C1QTNF6: variants seen among roughly 807,000 people sequenced by gnomAD.
C1QTNF6 encodes the protein C1q and TNF related 6, also known as complement C1q tumor necrosis factor-related protein 6.
Under a neutral mutation model 20.7 loss-of-function variants are expected in C1QTNF6, and 17 were observed. The observed-to-expected ratio is 0.82, with a 90% CI of 0.56 to 1.23. The LOEUF (loss-of-function observed/expected upper bound fraction) is 1.23. Ranked by LOEUF, C1QTNF6 falls within the 50% of genes most tolerant of loss-of-function variation. The pLI, the probability that C1QTNF6 is intolerant of heterozygous loss-of-function variation, is 0.00. For synonymous variants in C1QTNF6, 130 were observed against 156.3 expected, an observed-to-expected ratio of 0.83 and a Z score of 1.25; for missense variants, 329 against 389.7, an observed-to-expected ratio of 0.84 and a Z score of 1.31.
intron 2 of C1QTNF6, among the ~76,000 whole-genome samples, chr22:37,195,056 A>G (rs904529459): frequency 6.6e-6 from 1 of 152,198 alleles, no homozygotes; most frequent in Non-Finnish European, 1.5e-5. Flanking sequence ...CCCTTTGGGG[A>G]GAAGAAAGCT....
At chr22:37,196,464 T>G (rs64547) in intron 1 of C1QTNF6, 98,868 of 152,112 alleles carry the variant, frequency 0.65, 33,660 homozygotes, top group African/African-American at 0.85. Context: ...ATCCTCCTAT[T>G]CTACATTTGT....
chr22:37,188,365 C>A (rs1014761512), upstream of C1QTNF6: 3 of 607,478 alleles, frequency 4.9e-6, no homozygotes, highest in African/African-American at 3.8e-5. Flanking sequence ...CACTTCCCCT[C>A]CTCCCTGCTC....
At chr22:37,188,053 G>A in intron 1 of C1QTNF6, 110 bp downstream of exon 1, 1 of 1,173,778 alleles carries the variant, frequency 8.5e-7, no homozygotes, top group Non-Finnish European at 1.2e-6. Flanking sequence ...GGCTGTCCCA[G>A]TCAGAGGGAG....
chr22:37,181,986 T>G lies in C1QTNF6; in HGVS notation c.*202A>C. The G allele has an allele frequency of 3.3e-6, 2 of 606,848 alleles. No homozygotes were observed. Among genetic ancestry groups the G allele is most frequent in the South Asian group, 2.2e-5 (1 of 44,468 alleles). The allele number at this position is 606,848 out of a possible 1,614,324, so 37.6% of individuals were successfully genotyped here. ...AGAATATTTAGGTTAGCAAGCTTCT[T>G]AAAATAGGTCCAAGAGAGAAGAGAG... On this transcript the variant is annotated 3_prime_UTR_variant, in exon 3 of 3. Transcript: ENST00000337843.
chr22:37,182,955 C>A, intron 2 of C1QTNF6: 1 of 1,414,904 alleles, frequency 7.1e-7, no homozygotes, highest in Admixed American at 3.0e-5. Context: ...TGACTCACCC[C>A]GGGCCACACA....
rs1924040287 is a variant in C1QTNF6, at chr22:37,184,051, G to A, written c.289+1167C>T. Among the ~76,000 whole-genome samples, 1 of 152,090 alleles carries A rather than the reference G, an allele frequency of 6.6e-6. No individual in the cohort carries two copies. Among genetic ancestry groups the A allele is most frequent in the Non-Finnish European group, 1.5e-5 (1 of 68,006 alleles). On this transcript the variant is annotated intron_variant, in intron 2 of 2. Coordinates refer to ENST00000337843, the MANE Select transcript of C1QTNF6 (RefSeq NM_031910.4). The surrounding 1 kb of genome is among the most constrained non-coding windows in gnomAD (Gnocchi z 4.0). ...GGAGCAGTGACCCTGGGTTTGGGGA[G>A]GGCAATGAGGAGGGACCATCAGCAG...
In C1QTNF6 at chr22:37,182,436, C is replaced by T. The variant is rs776967925; in HGVS notation, c.589G>A (p.Val197Met). 16 of 1,614,280 alleles carry T rather than the reference C, an allele frequency of 9.9e-6. No individual in the cohort carries two copies. Among genetic ancestry groups the T allele is most frequent in the Non-Finnish European group, 1.3e-5 (15 of 1,180,054 alleles). Reference sequence around the variant, plus strand: ...GTCTCCTTGTAATTCCAGCTGTGCACATTGAGGCTGAAGAAGTAGATGCCA... The same window carrying T: ...GTCTCCTTGTAATTCCAGCTGTGCATATTGAGGCTGAAGAAGTAGATGCCA... ...LRGIYFFSLN[V>M]HSWNYKETYV... Residue 197 changes from valine to methionine, a missense_variant, in exon 3 of 3, where the codon GTG (valine) becomes ATG (methionine). By Grantham distance (21) the Val-to-Met change is conservative. Transcript: ENST00000337843.
At chr22:37,189,678 T>G (rs1338503032), upstream of C1QTNF6, among the ~76,000 whole-genome samples, 1 of 152,168 alleles carries the variant, frequency 6.6e-6, no homozygotes, top group Non-Finnish European at 1.5e-5. Context: ...TAACTCTGAG[T>G]CCTAACAAAA....
chr22:37,188,708 G>T (rs752822962), upstream of C1QTNF6, among the ~76,000 whole-genome samples: 2 of 152,242 alleles, frequency 1.3e-5, no homozygotes, highest in African/African-American at 2.4e-5. Flanking sequence ...TACCACAGTC[G>T]CGTCGCCTCT....
At chr22:37,199,375 A>C (rs1925353718), upstream of C1QTNF6, 1 of 152,374 alleles carries the variant, frequency 6.6e-6, no homozygotes, top group East Asian at 1.9e-4. Flanking sequence ...TCTCTGGCCC[A>C]CCCGGGCCTC....
upstream of C1QTNF6, chr22:37,188,528 G>A (rs565580634): frequency 3.6e-6 from 1 of 275,266 alleles, no homozygotes; most frequent in South Asian, 9.5e-5. Flanking sequence ...ATTGGGAAAT[G>A]GACACAGGCA....
Position 37,182,062 on chromosome 22 carries a change from C to G in C1QTNF6, c.*126G>C, listed in dbSNP as rs1923811139. 1 of 1,023,654 alleles carries G rather than the reference C, an allele frequency of 9.8e-7. No individual in the cohort carries two copies. 63.4% of individuals were successfully genotyped at this position (1,023,654 alleles called of 1,614,324 possible). A position where few individuals can be genotyped will look rare whatever the true frequency, so the allele number is the denominator to read the frequency against. ...ATGGCAGCCAAGATAGAAGCAGGGTCTCCCCAGAATGCCAGGTCCCCGGGG... is the reference window on the plus strand; with the variant it reads ...ATGGCAGCCAAGATAGAAGCAGGGTGTCCCCAGAATGCCAGGTCCCCGGGG... On this transcript the variant is annotated 3_prime_UTR_variant, in exon 3 of 3. Coordinates refer to ENST00000337843, the MANE Select transcript of C1QTNF6 (RefSeq NM_031910.4).
chr22:37,182,851 T>TAA (rs1372232890), intron 2 of C1QTNF6, 116 bp from the exon 3 acceptor site: 1 of 1,449,894 alleles, frequency 6.9e-7, no homozygotes, highest in Non-Finnish European at 9.1e-7. Context: ...GAAGCCAGCA[T>TAA]TTATTTAGCA....
rs1924247422 is a variant in C1QTNF6 at position 37,185,522 on chromosome 22, G to A, written c.52-67C>T. Reference sequence around the variant, plus strand: ...CATCTACTATGTGCCGATGCCTGGGGTGGGCGGGTGCTGCGTCCTCCAGCC... The same window carrying A: ...CATCTACTATGTGCCGATGCCTGGGATGGGCGGGTGCTGCGTCCTCCAGCC... On this transcript the variant is annotated intron_variant, in intron 1 of 2. Transcript: ENST00000337843. 14 of 1,469,070 alleles carry A rather than the reference G, an allele frequency of 9.5e-6. No homozygotes were observed. In the East Asian group the frequency reaches 3.5e-4, roughly 37 times the overall value. The allele number at this position is 1,469,070 out of a possible 1,614,324, so 91.0% of individuals were successfully genotyped here.
At chr22:37,188,283 A>AGGAGGGAGAGAGGAGGAGAT, upstream of C1QTNF6, 1 of 1,153,062 alleles carries the variant, frequency 8.7e-7, no homozygotes, top group Non-Finnish European at 1.2e-6. Flanking sequence ...GGCCCAGCAG[A>AGGAGGGAGAGAGGAGGAGAT]GGAGGGAGAG....
Position 37,182,305 on chromosome 22 carries a change from GTAGGCCAGGTCCAGCA to G in C1QTNF6, c.704_719del (p.Met235ThrfsTer113), listed in dbSNP as rs1569062365. On this transcript the variant is annotated frameshift_variant, in exon 3 of 3. Coordinates refer to ENST00000337843, the MANE Select transcript of C1QTNF6 (RefSeq NM_031910.4). LOFTEE classifies it high-confidence loss of function. ...AGAGCCGCACCCAGACGCGGTCCCC[GTAGGCCAGGTCCAGCA>G]TCACACTCTGGCTCTGCATGATGCT... 1.2e-6 allele frequency: 2 copies of G among 1,614,138 alleles called. No homozygotes were observed. The highest frequency in any genetic ancestry group is 4.5e-5 in the East Asian group (2 of 44,882).
rs767295807 is a variant in C1QTNF6, at chr22:37,185,347, T to G, written c.160A>C (p.Ser54Arg). Residue 54 changes from serine (S) to arginine (R), a missense_variant, in exon 2 of 3, where the codon AGC (serine) becomes CGC (arginine). Coordinates refer to ENST00000337843, the MANE Select transcript of C1QTNF6 (RefSeq NM_031910.4). Reference protein sequence around the residue: ...VELTFDRAVASGCQRCCDSED... With the variant: ...VELTFDRAVARGCQRCCDSED... The stretch of plus-strand genomic sequence containing the variant: ...GAGTCACAGCACCGTTGGCAGCCGC[T>G]GGCCACAGCTCTGTCAAAGGTGAGC... 9.3e-6 allele frequency: 15 copies of G among 1,613,730 alleles called. No individual in the cohort carries two copies. Among genetic ancestry groups the G allele is most frequent in the Middle Eastern group, 1.6e-4 (1 of 6,084 alleles).
chr22:37,190,205 TA>T (rs1235644214), upstream of C1QTNF6, among the ~76,000 whole-genome samples: 1 of 152,230 alleles, frequency 6.6e-6, no homozygotes, highest in Non-Finnish European at 1.5e-5. Flanking sequence ...CATTTTTTAT[TA>T]AAAACAAATC....
rs1288460569 is a variant in C1QTNF6 at position 37,182,259 on chromosome 22, C to A, written c.766G>T (p.Ala256Ser). 3 of 1,614,082 alleles carry A rather than the reference C, an allele frequency of 1.9e-6. No homozygotes were observed. Among genetic ancestry groups the A allele is most frequent in the Non-Finnish European group, 2.5e-6 (3 of 1,180,040 alleles). ...VRLFKRQRENAIYSNDFDTYI... is the reference protein window; with the variant it reads ...VRLFKRQRENSIYSNDFDTYI... Reference sequence around the variant, plus strand: ...GTGTCGAAGTCGTTGCTGTAGATGGCGTTCTCGCGCTGGCGCTTGAAGAGC... The same window carrying A: ...GTGTCGAAGTCGTTGCTGTAGATGGAGTTCTCGCGCTGGCGCTTGAAGAGC... The change falls in exon 3 of 3, where the codon GCC becomes TCC. Residue 256 changes from alanine to serine, a missense_variant. Transcript: ENST00000337843.
Sources: allele counts gnomAD v4.1 joint callset (sites outside exome capture counted in the v4.1 genomes callset), GRCh38; gene constraint gnomAD v4.1.1; non-coding constraint Gnocchi (gnomAD v3.1); transcripts MANE v1.5; gene names NCBI Gene and HGNC (gene_info 2026-07-23, HGNC 2026-07-21).